ARIH1: variants seen among roughly 807,000 people sequenced by gnomAD.
ARIH1 encodes the protein E3 ubiquitin-protein ligase ARIH1.
A neutral mutation model predicts 85.0 loss-of-function variants in ARIH1; 8 were observed. That is an observed-to-expected ratio of 0.09 (90% CI 0.06 to 0.17). The LOEUF (loss-of-function observed/expected upper bound fraction) is 0.17. Ranked by LOEUF, ARIH1 falls within the 10% of genes least tolerant of loss-of-function variation. The probability of loss-of-function intolerance (pLI) is 1.00; values close to 1 mark genes in which losing one functional copy is unlikely to be tolerated. For synonymous variants in ARIH1, 238 were observed against 253.6 expected (o/e 0.94, Z 0.59); for missense variants, 311 against 718.1 (o/e 0.43, Z 6.48).
chr15:72,510,840 A>C (rs999690285), intron 1 of ARIH1, among the ~76,000 whole-genome samples: 1 of 134,678 alleles, frequency 7.4e-6, no homozygotes, highest in Admixed American at 7.9e-5. Flanking sequence ...ATGTGGGTCT[A>C]TTTCTGGTCT....
At chr15:72,489,380 G>A (rs906147687) in intron 1 of ARIH1, among the ~76,000 whole-genome samples, 3 of 151,750 alleles carry the variant, frequency 2.0e-5, no homozygotes, top group African/African-American at 7.3e-5. Context: ...TCTGGCATTT[G>A]TGCTGATGTT....
intron 3 of ARIH1, among the ~76,000 whole-genome samples, chr15:72,545,287 TA>T (rs371124425): frequency 3.5e-4 from 53 of 152,294 alleles, no homozygotes; most frequent in African/African-American, 1.2e-3. Context: ...TCATCCAAAT[TA>T]AAATAGATTT....
chr15:72,560,423 C>A (rs2064192860), intron 5 of ARIH1, among the ~76,000 whole-genome samples: 1 of 152,148 alleles, frequency 6.6e-6, no homozygotes, highest in Admixed American at 6.5e-5. Flanking sequence ...ATCTGCCAGG[C>A]ACTATTCTAG....
intron 2 of ARIH1, among the ~76,000 whole-genome samples, chr15:72,521,315 A>T (rs78557250): frequency 0.038 from 5,773 of 150,338 alleles, 333 homozygotes; most frequent in African/African-American, 0.13. Context: ...CATGTGACAA[A>T]CTTTAAGTCC....
intron 2 of ARIH1, among the ~76,000 whole-genome samples, chr15:72,528,363 C>G (rs2064039522): frequency 1.3e-5 from 2 of 152,090 alleles, no homozygotes; most frequent in Admixed American, 1.3e-4. Flanking sequence ...GCATTAATAC[C>G]CATTTAATGG....
Position 72,595,888 on chromosome 15 carries a change from G to C in ARIH1, c.*12596G>C, listed in dbSNP as rs2064361851. On this transcript the variant is annotated 3_prime_UTR_variant, in exon 14 of 14. Coordinates refer to ENST00000379887, the MANE Select transcript of ARIH1 (RefSeq NM_005744.5). Reference sequence around the variant, plus strand: ...TCTATCTCCCAGGCTGTGGTGCAGTGGTGCAATCTGCAACCTCCGCCTCCC... The same window carrying C: ...TCTATCTCCCAGGCTGTGGTGCAGTCGTGCAATCTGCAACCTCCGCCTCCC... 6.7e-6 allele frequency: 1 copy of C among 148,892 alleles called. No individual in the cohort carries two copies. Among genetic ancestry groups the C allele is most frequent in the South Asian group, 2.1e-4 (1 of 4,734 alleles). The allele number at this position is 148,892 out of a possible 1,614,324, so 9.2% of individuals were successfully genotyped here. A position where few individuals can be genotyped will look rare whatever the true frequency, so the allele number is the denominator to read the frequency against.
chr15:72,509,430 G>A (rs1280658204), intron 1 of ARIH1, among the ~76,000 whole-genome samples: 4 of 152,174 alleles, frequency 2.6e-5, no homozygotes, highest in Non-Finnish European at 5.9e-5. Context: ...AATGCCTAGA[G>A]TTGTGTAAAC....
At chr15:72,519,793 T>C (rs1302003384) in intron 2 of ARIH1, among the ~76,000 whole-genome samples, 1 of 152,054 alleles carries the variant, frequency 6.6e-6, no homozygotes, top group Non-Finnish European at 1.5e-5. Context: ...CCTGACCGTA[T>C]TTTTTGACAT....
At chr15:72,526,194 T>C (rs2064027339) in intron 2 of ARIH1, among the ~76,000 whole-genome samples, 2 of 152,220 alleles carry the variant, frequency 1.3e-5, no homozygotes. Context: ...TTGTGAAATA[T>C]TTTAAAACTT....
chr15:72,489,874 GC>G (rs2140395697), intron 1 of ARIH1, among the ~76,000 whole-genome samples: 1 of 152,282 alleles, frequency 6.6e-6, no homozygotes, highest in South Asian at 2.1e-4. Flanking sequence ...GGAAAGCTTT[GC>G]CCTCCAAAGC....
At chr15:72,509,532 C>A (rs2063941136) in intron 1 of ARIH1, among the ~76,000 whole-genome samples, 1 of 152,104 alleles carries the variant, frequency 6.6e-6, no homozygotes, top group Non-Finnish European at 1.5e-5. Flanking sequence ...CCTCCCCCAC[C>A]TTTAATATTT....
chr15:72,557,620 G>T (rs1342429309), intron 5 of ARIH1, among the ~76,000 whole-genome samples: 1 of 152,056 alleles, frequency 6.6e-6, no homozygotes, highest in Non-Finnish European at 1.5e-5. Context: ...TAAATTCTTT[G>T]CCAAGGCTGA....
chr15:72,556,871 A>G (rs892182010), intron 5 of ARIH1, among the ~76,000 whole-genome samples: 1 of 152,136 alleles, frequency 6.6e-6, no homozygotes, highest in Non-Finnish European at 1.5e-5. Flanking sequence ...CTGCATTTGT[A>G]TTGCTGCAAA....
At chr15:72,562,606 GT>G (rs904441735) in intron 6 of ARIH1, among the ~76,000 whole-genome samples, 30 of 142,264 alleles carry the variant, frequency 2.1e-4, no homozygotes, top group African/African-American at 4.7e-4. Flanking sequence ...TTTTTTGTTT[GT>G]TTTTTTTTTT....
At chr15:72,499,825 GGA>G (rs1373536601) in intron 1 of ARIH1, among the ~76,000 whole-genome samples, 1 of 152,070 alleles carries the variant, frequency 6.6e-6, no homozygotes, top group Non-Finnish European at 1.5e-5. Context: ...CTCCTGTGTT[GGA>G]GCCTCTGATT....
chr15:72,566,636 T>C (rs200728314), intron 8 of ARIH1, 31 bp downstream of exon 8: 1 of 1,579,746 alleles, frequency 6.3e-7, no homozygotes, highest in Non-Finnish European at 8.7e-7. Context: ...AATTTTTAAA[T>C]AATGGCACAC....
chr15:72,474,470 A>G lies in ARIH1; in HGVS notation c.-170A>G. 2.4e-6 allele frequency: 2 copies of G among 844,390 alleles called. No individual in the cohort carries two copies. Among genetic ancestry groups the G allele is most frequent in the Non-Finnish European group, 1.7e-6 (1 of 579,826 alleles). 52.3% of individuals were successfully genotyped at this position (844,390 alleles called of 1,614,324 possible). ...CCTCCTCCGCGCCCTCCCCGCCGCCACCAGCCGTCAAACGCCAACCGCCGC... is the reference window on the plus strand; with the variant it reads ...CCTCCTCCGCGCCCTCCCCGCCGCCGCCAGCCGTCAAACGCCAACCGCCGC... On this transcript the variant is annotated 5_prime_UTR_variant, in exon 1 of 14. Coordinates refer to ENST00000379887, the MANE Select transcript of ARIH1 (RefSeq NM_005744.5).
At chr15:72,544,574 T>A (rs541231606) in intron 2 of ARIH1, among the ~76,000 whole-genome samples, 7 of 151,186 alleles carry the variant, frequency 4.6e-5, no homozygotes, top group African/African-American at 9.7e-5. Context: ...ACACACACAC[T>A]CATATATATG....
At chr15:72,498,316 G>A (rs2063888359) in intron 1 of ARIH1, among the ~76,000 whole-genome samples, 2 of 152,088 alleles carry the variant, frequency 1.3e-5, no homozygotes, top group Admixed American at 1.3e-4. Context: ...TATTCTGCAA[G>A]TTGCTATTTT....
Sources: gnomAD v4.1 joint callset for allele counts (sites outside exome capture counted in the v4.1 genomes callset) on GRCh38, gnomAD v4.1.1 for gene constraint, MANE v1.5 for transcripts, NCBI Gene and HGNC (gene_info 2026-07-23, HGNC 2026-07-21) for gene names.